PFKFB3: variants seen among roughly 807,000 people sequenced by gnomAD.
PFKFB3 encodes the protein 6-phosphofructo-2-kinase/fructose-2,6-bisphosphatase 3.
Under a neutral mutation model 68.0 loss-of-function variants are expected in PFKFB3, and 33 were observed. That is an observed-to-expected ratio of 0.49 (90% confidence interval 0.37 to 0.65). The LOEUF (loss-of-function observed/expected upper bound fraction) is 0.65, where lower values mean the gene tolerates loss of function less well. Among genes scored for constraint, PFKFB3 ranks in the 30% least tolerant of loss-of-function variants. The pLI, the probability that PFKFB3 is intolerant of heterozygous loss-of-function variation, is 0.00. For synonymous variants in PFKFB3, 315 were observed against 288.2 expected (o/e 1.09, Z -0.94); for missense variants, 586 against 712.2 (o/e 0.82, Z 2.02).
the PFKFB3 span, among the ~76,000 whole-genome samples, chr10:6,276,878 A>G: frequency 7.2e-6 from 1 of 138,126 alleles, no homozygotes; most frequent in African/African-American, 2.5e-5. Context: ...AGTTGTAGGC[A>G]GGTTTATCAC....
In PFKFB3 at chr10:6,192,314, G is replaced by A. The variant is rs1041778930; in HGVS notation, c.17-21309G>A. 1.1e-4 allele frequency among the ~76,000 whole-genome samples: 17 copies of A among 149,618 alleles called. 1 individual carries two copies. The highest frequency in any genetic ancestry group is 3.3e-4 in the Admixed American group (5 of 15,022). ...CAGCCTGGAGGTTTCCTAACATCTCGTCAGCAGCTAGCATCGCTGTCCAAA... is the reference window on the plus strand; with the variant it reads ...CAGCCTGGAGGTTTCCTAACATCTCATCAGCAGCTAGCATCGCTGTCCAAA... On this transcript the variant is annotated intron_variant, in intron 1 of 14. Transcript: ENST00000379789.
chr10:6,224,572 C>T (rs1263061614), intron 13 of PFKFB3: 1 of 446,542 alleles, frequency 2.2e-6, no homozygotes, highest in Non-Finnish European at 4.5e-6. Context: ...CCTCAACCTC[C>T]TGGGTTCAAG....
chr10:6,173,081 C>G (rs1207615256), intron 1 of PFKFB3, among the ~76,000 whole-genome samples: 2 of 152,196 alleles, frequency 1.3e-5, no homozygotes, highest in Non-Finnish European at 2.9e-5. Context: ...GACGTCCACT[C>G]TCTCTCAGTT....
the PFKFB3 span, chr10:6,294,287 GT>G: frequency 2.0e-6 from 1 of 495,838 alleles, no homozygotes; most frequent in South Asian, 1.5e-5. Context: ...TTCTCACACT[GT>G]TAATAAAGAC....
rs534680495 is a variant in PFKFB3, at chr10:6,207,330, G to A, written c.76+3994G>A. Among the ~76,000 whole-genome samples the A allele has an allele frequency of 2.2e-4, 34 of 152,346 alleles. 1 individual carries two copies. Among genetic ancestry groups the A allele is most frequent in the South Asian group, 8.3e-4 (4 of 4,830 alleles). On this transcript the variant is annotated intron_variant, in intron 1 of 14. Coordinates refer to ENST00000379775, the MANE Select transcript of PFKFB3 (RefSeq NM_004566.4). ...GCGCCTCCTGCAATCGCAGGCACTCGGCAGGCTGAGGCAGGAGAATCAGGC... is the reference window on the plus strand; with the variant it reads ...GCGCCTCCTGCAATCGCAGGCACTCAGCAGGCTGAGGCAGGAGAATCAGGC...
At chr10:6,235,762 CTTTTTTTTCT>C (rs889242928), downstream of PFKFB3, among the ~76,000 whole-genome samples, 3 of 129,116 alleles carry the variant, frequency 2.3e-5, no homozygotes, top group South Asian at 2.8e-4. Context: ...TAATTTTTTT[CTTTTTTTTCT>C]TTTTTTTTTT....
rs115749139 is a variant in PFKFB3, at chr10:6,229,879, G to A, written c.1516-3016G>A. 6.9e-3 allele frequency among the ~76,000 whole-genome samples: 1,043 copies of A among 152,222 alleles called. 9 individuals carry two copies. The highest frequency in any genetic ancestry group is 0.041 in the Middle Eastern group (12 of 294). On this transcript the variant is annotated intron_variant, in intron 14 of 14. Transcript: ENST00000379775. This position sits in a 1 kb window ranked among gnomAD's most constrained non-coding sequence, Gnocchi z 4.3. ...TGGCATTAGATTCTCTGAAGGGAAC[G>A]CACAGCCTAGATCCCTCGTGTGTGC...
intron 1 of PFKFB3, among the ~76,000 whole-genome samples, chr10:6,149,325 T>C (rs7092605): frequency 0.096 from 14,635 of 152,074 alleles, 928 homozygotes; most frequent in African/African-American, 0.18. Context: ...CGGTGGCTCA[T>C]GCCTATAATC....
At chr10:6,158,107 A>C in intron 1 of PFKFB3, among the ~76,000 whole-genome samples, 1 of 151,750 alleles carries the variant, frequency 6.6e-6, no homozygotes, top group East Asian at 1.9e-4. Context: ...AACATGGTGA[A>C]ACCCTGCCTC....
At chr10:6,216,077 AGCGGATGCACCG>A (rs769357876) in intron 3 of PFKFB3, 36 bp from the exon 4 acceptor site, 3 of 1,561,146 alleles carry the variant, frequency 1.9e-6, no homozygotes, top group Non-Finnish European at 1.8e-6. Flanking sequence ...GGGCTGCCCC[AGCGGATGCACCG>A]GCGCTGACAT....
In PFKFB3 at chr10:6,195,270, A is replaced by G. The variant is rs112991039; in HGVS notation, c.17-18353A>G. Among the ~76,000 whole-genome samples, 860 of 152,314 alleles carry G rather than the reference A, an allele frequency of 5.6e-3. 10 individuals carry two copies. Among genetic ancestry groups the G allele is most frequent in the African/African-American group, 0.02 (826 of 41,572 alleles). Reference sequence around the variant, plus strand: ...GGGGTGGGGTGGTTTAGGCATTAGTAGTGGCCATGTTTCCCCTACCCTGAA... The same window carrying G: ...GGGGTGGGGTGGTTTAGGCATTAGTGGTGGCCATGTTTCCCCTACCCTGAA... On this transcript the variant is annotated intron_variant, in intron 1 of 14. Coordinates refer to the PFKFB3 transcript ENST00000379789.
rs143769380 is a variant in PFKFB3 at position 6,230,240 on chromosome 10, G to A, written c.1516-2655G>A. Among the ~76,000 whole-genome samples the A allele has an allele frequency of 3.4e-3, 517 of 152,188 alleles. 4 individuals are homozygous for A. The highest frequency in any genetic ancestry group is 5.6e-3 in the Non-Finnish European group (381 of 68,002). On this transcript the variant is annotated intron_variant, in intron 14 of 14. Transcript: ENST00000379775. Reference sequence around the variant, plus strand: ...TTTCACTCTGGAGTCCCATTGTCCCGTCCATCCTGGGTGCGTGACCCCACA... The same window carrying A: ...TTTCACTCTGGAGTCCCATTGTCCCATCCATCCTGGGTGCGTGACCCCACA...
intron 1 of PFKFB3, among the ~76,000 whole-genome samples, chr10:6,152,439 C>A (rs755261927): frequency 6.6e-6 from 1 of 152,016 alleles, no homozygotes; most frequent in African/African-American, 2.4e-5. Context: ...GGGGAGGAAG[C>A]GTCTGGTAGG....
the PFKFB3 span, chr10:6,326,567 G>A: frequency 3.9e-5 from 18 of 455,828 alleles, no homozygotes; most frequent in Admixed American, 4.0e-4. Flanking sequence ...CCAGTAAGGA[G>A]CTCCACCGTG....
At chr10:6,255,685 T>G (rs1846484842), downstream of PFKFB3, among the ~76,000 whole-genome samples, 1 of 152,092 alleles carries the variant, frequency 6.6e-6, no homozygotes, top group African/African-American at 2.4e-5. Context: ...TTGTCGGCTG[T>G]GTGAAGGTGT....
intron 1 of PFKFB3, chr10:6,145,032 C>G: frequency 7.5e-7 from 1 of 1,330,182 alleles, no homozygotes; most frequent in Non-Finnish European, 9.6e-7. Context: ...CCCGGTGACG[C>G]GGCCCACGCC....
chr10:6,293,924 C>A, the PFKFB3 span: 1 of 479,356 alleles, frequency 2.1e-6, no homozygotes, highest in South Asian at 1.6e-5. Flanking sequence ...AGCCAGAGTT[C>A]AATTTTTCCA....
chr10:6,302,261 G>A, the PFKFB3 span, among the ~76,000 whole-genome samples: 2 of 150,746 alleles, frequency 1.3e-5, no homozygotes, highest in Non-Finnish European at 2.9e-5. Flanking sequence ...TACCATGTTG[G>A]TCAGGCTGGT....
intron 1 of PFKFB3, among the ~76,000 whole-genome samples, chr10:6,187,256 G>C (rs1842893474): frequency 6.6e-6 from 1 of 151,750 alleles, no homozygotes; most frequent in Admixed American, 6.6e-5. Context: ...AGCTACTTGG[G>C]AGGCTGAGGC....
Sources: allele counts gnomAD v4.1 joint callset (sites outside exome capture counted in the v4.1 genomes callset), GRCh38; gene constraint gnomAD v4.1.1; non-coding constraint Gnocchi (gnomAD v3.1); transcripts MANE v1.5; gene names NCBI Gene and HGNC (gene_info 2026-07-23, HGNC 2026-07-21).